NRXN3: variants seen among roughly 807,000 people sequenced by gnomAD.
The protein encoded by NRXN3 is neurexin 3.
NRXN3 carries 32 observed loss-of-function variants against 137.6 expected under a neutral mutation model. That is an observed-to-expected ratio of 0.23 (90% CI 0.18 to 0.31). NRXN3 has a LOEUF of 0.31. NRXN3 is among the 10% of genes least tolerant of loss of function. The probability of loss-of-function intolerance (pLI) is 1.00; values close to 1 mark genes in which losing one functional copy is unlikely to be tolerated. For missense variants in NRXN3, 1,574 were observed against 2,062.5 expected, an observed-to-expected ratio of 0.76 and a Z score of 4.59; for synonymous variants, 798 against 784.5, an observed-to-expected ratio of 1.02 and a Z score of -0.29.
intron 15 of NRXN3, among the ~76,000 whole-genome samples, chr14:79,143,616 C>G (rs993974709): frequency 6.6e-6 from 1 of 152,158 alleles, no homozygotes; most frequent in South Asian, 2.1e-4. Context: ...AGACTTTTGT[C>G]TATACTGCAG....
chr14:79,477,022 G>C lies in NRXN3; in HGVS notation c.3444+9620G>C, dbSNP rs56376412. Among the ~76,000 whole-genome samples, 2,475 of 152,114 alleles carry C rather than the reference G, an allele frequency of 0.016. 106 individuals are homozygous for C. The East Asian group carries it at 0.17, about 10-fold the overall frequency. ...GTGAAGAAAGTTAATATCTAGCCGGGGGGTAGAGGGGAATGAAAATCATAT... is the reference window on the plus strand; with the variant it reads ...GTGAAGAAAGTTAATATCTAGCCGGCGGGTAGAGGGGAATGAAAATCATAT... On this transcript the variant is annotated intron_variant, in intron 16 of 20. Coordinates refer to ENST00000335750, the MANE Select transcript of NRXN3 (RefSeq NM_001330195.2).
chr14:78,188,841 T>G (rs1416539581), intron 1 of NRXN3, among the ~76,000 whole-genome samples: 2 of 152,148 alleles, frequency 1.3e-5, no homozygotes, highest in African/African-American at 4.8e-5. Flanking sequence ...ATTGAGGAGT[T>G]ATCAGTAAAT....
intron 4 of NRXN3, among the ~76,000 whole-genome samples, chr14:78,312,739 G>A (rs1282571043): frequency 6.6e-6 from 1 of 152,082 alleles, no homozygotes; most frequent in Non-Finnish European, 1.5e-5. Flanking sequence ...GTTGATGGGT[G>A]CAGGAAATCG....
intron 16 of NRXN3, among the ~76,000 whole-genome samples, chr14:79,624,162 A>G (rs182011371): frequency 6.6e-6 from 1 of 152,208 alleles, no homozygotes; most frequent in African/African-American, 2.4e-5. Flanking sequence ...TGGCTAAGCC[A>G]CTGATCGAGA....
At chr14:79,533,133 C>T (rs1429374604) in intron 16 of NRXN3, among the ~76,000 whole-genome samples, 1 of 152,036 alleles carries the variant, frequency 6.6e-6, no homozygotes, top group African/African-American at 2.4e-5. Context: ...CATATATTTA[C>T]TCATTAGTTT....
At chr14:78,327,949 C>T (rs1040641793) in intron 4 of NRXN3, among the ~76,000 whole-genome samples, 2 of 140,954 alleles carry the variant, frequency 1.4e-5, no homozygotes, top group Admixed American at 7.0e-5. Flanking sequence ...TGAATCAGCA[C>T]ATCAGCAACA....
intron 15 of NRXN3, among the ~76,000 whole-genome samples, chr14:79,369,301 C>T (rs2094006996): frequency 6.6e-6 from 1 of 152,072 alleles, no homozygotes; most frequent in African/African-American, 2.4e-5. Flanking sequence ...TCCGTCCATT[C>T]TATTTTGGCT....
At chr14:78,586,176 C>G (rs1333093747) in intron 4 of NRXN3, among the ~76,000 whole-genome samples, 1 of 152,168 alleles carries the variant, frequency 6.6e-6, no homozygotes, top group Non-Finnish European at 1.5e-5. Context: ...GTAGTTGTGA[C>G]AAAGACTCAT....
At chr14:78,661,710 G>A (rs929560926) in intron 6 of NRXN3, among the ~76,000 whole-genome samples, 17 of 152,190 alleles carry the variant, frequency 1.1e-4, no homozygotes, top group Non-Finnish European at 1.6e-4. Flanking sequence ...TGGCTGCAAA[G>A]CCTAACTCTA....
rs116857467 is a variant in NRXN3, at chr14:79,636,769, G to C, written c.3445-27009G>C. On this transcript the variant is annotated intron_variant, in intron 16 of 20. Coordinates refer to ENST00000335750, the MANE Select transcript of NRXN3 (RefSeq NM_001330195.2). ...TGCCCATCACTGCAAAGGGAGAAAG[G>C]AGAAGGCCATGGGGGGATGCAGCAA... Among the ~76,000 whole-genome samples the C allele has an allele frequency of 7.5e-3, 1,148 of 152,286 alleles. 5 individuals carry two copies. The highest frequency in any genetic ancestry group is 0.013 in the Non-Finnish European group (857 of 68,022).
intron 15 of NRXN3, among the ~76,000 whole-genome samples, chr14:79,242,075 A>AT (rs946096766): frequency 2.0e-5 from 3 of 152,116 alleles, no homozygotes; most frequent in Middle Eastern, 3.4e-3. Flanking sequence ...TCAGAAAAAA[A>AT]AAAATTAAAT....
At chr14:79,182,031 T>A (rs1256302600) in intron 15 of NRXN3, among the ~76,000 whole-genome samples, 1 of 152,134 alleles carries the variant, frequency 6.6e-6, no homozygotes, top group East Asian at 1.9e-4. Context: ...TCCCTTATAT[T>A]TTAGTCTTTC....
intron 15 of NRXN3, among the ~76,000 whole-genome samples, chr14:79,216,664 T>C (rs538119055): frequency 6.6e-6 from 1 of 152,308 alleles, no homozygotes; most frequent in Non-Finnish European, 1.5e-5. Flanking sequence ...TTTGAAACAT[T>C]GTCTTTCTTC....
At chr14:78,617,423 G>T (rs1039393089) in intron 4 of NRXN3, among the ~76,000 whole-genome samples, 1 of 152,182 alleles carries the variant, frequency 6.6e-6, no homozygotes, top group African/African-American at 2.4e-5. Flanking sequence ...TTACAGCCAG[G>T]CTTTCCATGG....
chr14:78,843,057 A>T (rs1170485271), intron 10 of NRXN3, among the ~76,000 whole-genome samples: 1 of 152,126 alleles, frequency 6.6e-6, no homozygotes, highest in African/African-American at 2.4e-5. Context: ...AGATGATGGG[A>T]ATAAGAGATT....
chr14:78,202,371 C>A (rs991222484), intron 1 of NRXN3, among the ~76,000 whole-genome samples: 25 of 152,184 alleles, frequency 1.6e-4, no homozygotes, highest in African/African-American at 6.0e-4. Context: ...AAAGATGTGG[C>A]AGCATTATTG....
intron 6 of NRXN3, among the ~76,000 whole-genome samples, chr14:78,674,476 G>T (rs922469077): frequency 6.6e-6 from 1 of 152,164 alleles, no homozygotes; most frequent in Non-Finnish European, 1.5e-5. Context: ...TTCTTCAAAT[G>T]AATCATTGGT....
intron 4 of NRXN3, among the ~76,000 whole-genome samples, chr14:78,625,463 T>C (rs528528432): frequency 6.6e-6 from 1 of 152,310 alleles, no homozygotes; most frequent in East Asian, 1.9e-4. Flanking sequence ...AGCTTGTGAC[T>C]AATAGAAAAC....
chr14:79,708,500 T>C (rs1468817285), intron 19 of NRXN3, among the ~76,000 whole-genome samples: 1 of 150,210 alleles, frequency 6.7e-6, no homozygotes, highest in African/African-American at 2.5e-5. Context: ...TAAGAATTGT[T>C]TTTTTTTTTT....
Sources: allele counts gnomAD v4.1 joint callset (sites outside exome capture counted in the v4.1 genomes callset), GRCh38; gene constraint gnomAD v4.1.1; transcripts MANE v1.5; gene names NCBI Gene and HGNC (gene_info 2026-07-23, HGNC 2026-07-21).